Variants in CERS3 observed in about 807,000 individuals in gnomAD.
CERS3 encodes the protein ceramide synthase 3, also known as LAG1 homolog, ceramide synthase 3.
A neutral mutation model predicts 50.3 loss-of-function variants in CERS3; 33 were observed. The ratio of observed to expected loss-of-function variants is 0.66; its 90% CI spans 0.50 to 0.88. The LOEUF (loss-of-function observed/expected upper bound fraction) is 0.88, where lower values mean the gene tolerates loss of function less well. Among genes scored for constraint, CERS3 ranks in the 40% least tolerant of loss-of-function variants. The probability of loss-of-function intolerance (pLI) is 0.00; values close to 1 mark genes in which losing one functional copy is unlikely to be tolerated. For missense variants in CERS3, 470 were observed against 460.3 expected (o/e 1.02, Z -0.19); for synonymous variants, 176 against 155.2 (o/e 1.13, Z -0.99).
At position 100,538,077 on chromosome 15, in the gene CERS3, C is replaced by T. The variant is rs1337041584; in HGVS notation, c.-355+6574G>A. On this transcript the variant is annotated intron_variant, in intron 1 of 12. Transcript: ENST00000284382. Reference sequence around the variant, plus strand: ...GTTAAATCTTAAAGTTCCAAAATAACCTCCTTTGACTCCATGTCTCACATC... The same window carrying T: ...GTTAAATCTTAAAGTTCCAAAATAATCTCCTTTGACTCCATGTCTCACATC... 3.3e-5 allele frequency among the ~76,000 whole-genome samples: 5 copies of T among 152,326 alleles called. No homozygotes were observed. In the South Asian group the frequency reaches 1.0e-3, roughly 32 times the overall value.
intron 1 of CERS3, among the ~76,000 whole-genome samples, chr15:100,542,516 A>T (rs80349194): frequency 0.027 from 4,050 of 152,336 alleles, 71 homozygotes; most frequent in East Asian, 0.074. Context: ...TCTTAGTGTG[A>T]TAAATCAGAC....
At chr15:100,424,035 G>A (rs541761763) in intron 11 of CERS3, among the ~76,000 whole-genome samples, 115 of 150,492 alleles carry the variant, frequency 7.6e-4, no homozygotes, top group Non-Finnish European at 1.5e-3. Flanking sequence ...TCCACCTCCC[G>A]AGTTTAAGTG....
Position 100,402,514 on chromosome 15 carries a change from A to C in CERS3, c.*199T>G. On this transcript the variant is annotated 3_prime_UTR_variant, in exon 12 of 12. Transcript: ENST00000679737. ...TTTGACCAGTCTGAGTCCTAACTGC[A>C]GTAAAAATCCATGGGCATGCTTATA... is the stretch of plus-strand genomic sequence containing the variant. 1.7e-6 allele frequency: 1 copy of C among 576,968 alleles called. No homozygotes were observed. Among genetic ancestry groups the C allele is most frequent in the Non-Finnish European group, 3.0e-6 (1 of 327,902 alleles). 35.7% of individuals were successfully genotyped at this position (576,968 alleles called of 1,614,324 possible). A position where few individuals can be genotyped will look rare whatever the true frequency, so the allele number is the denominator to read the frequency against.
At chr15:100,492,631 T>G (rs1315631257) in intron 3 of CERS3, among the ~76,000 whole-genome samples, 1 of 152,228 alleles carries the variant, frequency 6.6e-6, no homozygotes, top group Non-Finnish European at 1.5e-5. Flanking sequence ...CAACATATAG[T>G]TGGATCGTGT....
chr15:100,524,003 C>T (rs1006346948), intron 1 of CERS3, among the ~76,000 whole-genome samples: 2 of 152,088 alleles, frequency 1.3e-5, no homozygotes, highest in Non-Finnish European at 2.9e-5. Flanking sequence ...AATGTCTGTC[C>T]TTTCCTGTAG....
chr15:100,424,015 C>T (rs559009345), intron 11 of CERS3, among the ~76,000 whole-genome samples: 2 of 150,946 alleles, frequency 1.3e-5, no homozygotes, highest in African/African-American at 4.9e-5. Context: ...CATCTCGGCT[C>T]ACCACAACCT....
At position 100,435,048 on chromosome 15, in the gene CERS3, C is replaced by T. The variant is rs142815068; in HGVS notation, c.999+20845G>A. On this transcript the variant is annotated intron_variant, in intron 11 of 11. Transcript: ENST00000679737. ...ACATTTGGGACAGAGGAAAGAGAGGCAGGATTGGAATCCCACAGATATCAA... is the reference window on the plus strand; with the variant it reads ...ACATTTGGGACAGAGGAAAGAGAGGTAGGATTGGAATCCCACAGATATCAA... 6.6e-5 allele frequency among the ~76,000 whole-genome samples: 10 copies of T among 152,288 alleles called. No homozygotes were observed. The East Asian group carries it at 1.7e-3, about 26-fold the overall frequency.
chr15:100,480,220 T>C (rs758932593), intron 5 of CERS3, among the ~76,000 whole-genome samples, 174 bp from the exon 6 acceptor site: 1 of 152,184 alleles, frequency 6.6e-6, no homozygotes, highest in Non-Finnish European at 1.5e-5. Flanking sequence ...AGGTAAATCA[T>C]GTAACCTCAG....
intron 3 of CERS3, among the ~76,000 whole-genome samples, chr15:100,498,184 G>A (rs747205968): frequency 1.3e-5 from 2 of 152,024 alleles, no homozygotes; most frequent in Non-Finnish European, 2.9e-5. Context: ...ATGAGCCACC[G>A]CGCCCGGCCA....
chr15:100,498,944 A>G (rs1466480571), intron 3 of CERS3, among the ~76,000 whole-genome samples: 1 of 152,198 alleles, frequency 6.6e-6, no homozygotes, highest in Admixed American at 6.5e-5. Flanking sequence ...TCTCAGATGA[A>G]AAAGTCTAAT....
intron 1 of CERS3, among the ~76,000 whole-genome samples, chr15:100,525,288 C>T (rs1259253310): frequency 1.3e-5 from 2 of 152,138 alleles, no homozygotes; most frequent in Non-Finnish European, 2.9e-5. Context: ...TAATCCACCA[C>T]CAGCACAAAT....
intron 11 of CERS3, among the ~76,000 whole-genome samples, chr15:100,433,039 A>G: frequency 6.6e-6 from 1 of 152,120 alleles, no homozygotes; most frequent in East Asian, 1.9e-4. Flanking sequence ...GATCGAGACC[A>G]TCCTGGCTAA....
At chr15:100,428,011 T>G (rs900659766) in intron 11 of CERS3, among the ~76,000 whole-genome samples, 1 of 152,176 alleles carries the variant, frequency 6.6e-6, no homozygotes, top group African/African-American at 2.4e-5. Context: ...CCCTGGTGTG[T>G]CCTTCCCAGC....
intron 11 of CERS3, among the ~76,000 whole-genome samples, chr15:100,412,270 A>C (rs2031549430): frequency 6.6e-6 from 1 of 152,092 alleles, no homozygotes; most frequent in East Asian, 1.9e-4. Context: ...GTCCAACTTC[A>C]TTCTTTTGCA....
At chr15:100,446,963 T>C (rs571533768) in intron 11 of CERS3, among the ~76,000 whole-genome samples, 1 of 152,312 alleles carries the variant, frequency 6.6e-6, no homozygotes, top group Admixed American at 6.5e-5. Context: ...CTGACTCTAG[T>C]ATAACATCAC....
intron 1 of CERS3, among the ~76,000 whole-genome samples, chr15:100,534,236 A>AATACC (rs1426576036): frequency 6.6e-6 from 1 of 152,124 alleles, no homozygotes; most frequent in Admixed American, 6.6e-5. Flanking sequence ...GCTAACCCTC[A>AATACC]ATACCATTTT....
chr15:100,435,266 G>A (rs952009288), intron 11 of CERS3, among the ~76,000 whole-genome samples: 4 of 152,180 alleles, frequency 2.6e-5, no homozygotes, highest in South Asian at 4.1e-4. Context: ...ATTGGAGTAC[G>A]GAAGATCCCT....
At chr15:100,500,388 G>A (rs2035961019) in intron 3 of CERS3, 1 of 152,222 alleles carries the variant, frequency 6.6e-6, no homozygotes, top group Admixed American at 6.5e-5. Context: ...GGCCAAGACA[G>A]GGACGTAACA....
intron 11 of CERS3, among the ~76,000 whole-genome samples, chr15:100,410,468 C>T (rs1377372882): frequency 1.3e-5 from 2 of 152,120 alleles, no homozygotes; most frequent in Admixed American, 6.5e-5. Flanking sequence ...AAATTAGGAC[C>T]AAAATGACCT....
Sources: allele counts gnomAD v4.1 joint callset (sites outside exome capture counted in the v4.1 genomes callset), GRCh38; gene constraint gnomAD v4.1.1; transcripts MANE v1.5; gene names NCBI Gene and HGNC (gene_info 2026-07-23, HGNC 2026-07-21).